Variants in PCNX4 observed in about 807,000 individuals in gnomAD.
PCNX4 encodes the protein pecanex 4.
PCNX4 carries 103 observed loss-of-function variants against 107.2 expected under a neutral mutation model. The ratio of observed to expected loss-of-function variants is 0.96; its 90% CI spans 0.82 to 1.13. PCNX4 has a LOEUF of 1.13. PCNX4 is among the 50% of genes most tolerant of loss of function. The pLI is 0.00. For synonymous variants in PCNX4, 541 were observed against 481.7 expected (o/e 1.12, Z -1.61); for missense variants, 1,528 against 1,379.4 (o/e 1.11, Z -1.71).
At chr14:60,122,790 ATGTTT>A (rs776518662) in intron 8 of PCNX4, among the ~76,000 whole-genome samples, 3 of 152,052 alleles carry the variant, frequency 2.0e-5, no homozygotes, top group African/African-American at 4.8e-5. Context: ...CCTTTAACAA[ATGTTT>A]TGTTTTGTTT....
At chr14:60,108,528 A>T in intron 2 of PCNX4, 1 of 394,594 alleles carries the variant, frequency 2.5e-6, no homozygotes, top group Middle Eastern at 7.1e-4. Context: ...CTTATTAAAG[A>T]GTTTTTTTAA....
rs753991678 is a variant in PCNX4, at chr14:60,124,838, A to G, written c.2667A>G (p.Gly889=). The change falls in exon 9 of 11, where the codon GGA becomes GGG. Residue 889 remains glycine (G), a synonymous_variant. Coordinates refer to ENST00000406854, the MANE Select transcript of PCNX4 (RefSeq NM_001330177.2). ...TAGGATACCCTGCTGTTGACAAAGGAAAACAAGAGGACATGCCATATATTC... is the reference window on the plus strand; with the variant it reads ...TAGGATACCCTGCTGTTGACAAAGGGAAACAAGAGGACATGCCATATATTC... ...VLLGYPAVDK[G]KQEDMPYIPL... 1.2e-6 allele frequency: 2 copies of G among 1,613,834 alleles called. No individual in the cohort carries two copies. Among genetic ancestry groups the G allele is most frequent in the African/African-American group, 1.3e-5 (1 of 75,026 alleles).
intron 10 of PCNX4, among the ~76,000 whole-genome samples, chr14:60,130,357 C>T (rs1014505317): frequency 6.6e-6 from 1 of 150,584 alleles, no homozygotes; most frequent in Non-Finnish European, 1.5e-5. Flanking sequence ...ATGATCATCT[C>T]GGTAGATATA....
At chr14:60,097,581 C>T (rs1011808190) in intron 1 of PCNX4, among the ~76,000 whole-genome samples, 2 of 152,214 alleles carry the variant, frequency 1.3e-5, no homozygotes, top group African/African-American at 4.8e-5. Context: ...GCCTCTGCCT[C>T]TCATTAGGTA....
chr14:60,112,148 T>A (rs2089147562), intron 2 of PCNX4, among the ~76,000 whole-genome samples: 1 of 152,094 alleles, frequency 6.6e-6, no homozygotes, highest in Non-Finnish European at 1.5e-5. Context: ...ACTTCTTCTG[T>A]GCATTTTAAT....
At chr14:60,130,867 C>T (rs901569413) in intron 10 of PCNX4, among the ~76,000 whole-genome samples, 3 of 151,740 alleles carry the variant, frequency 2.0e-5, no homozygotes, top group African/African-American at 4.8e-5. Context: ...TTTGGGAGGC[C>T]GAGGCAGGCG....
In PCNX4 at chr14:60,107,848, T is replaced by C. The variant is rs772623539; in HGVS notation, c.210T>C (p.Tyr70=). The change falls in exon 2 of 11, where the codon TAT becomes TAC. Residue 70 remains tyrosine (Y), a synonymous_variant. Coordinates refer to ENST00000406854, the MANE Select transcript of PCNX4 (RefSeq NM_001330177.2). ...LLYQLGILKD[Y]YTAALSGGLM... ...ACCAGTTAGGCATCCTGAAAGACTA[T>C]TATACAGCAGCACTTTCAGGTGGAT... The C allele has an allele frequency of 1.2e-6, 2 of 1,612,750 alleles. No homozygotes were observed. The highest frequency in any genetic ancestry group is 1.7e-6 in the Non-Finnish European group (2 of 1,179,768).
intron 1 of PCNX4, among the ~76,000 whole-genome samples, chr14:60,103,446 G>A (rs112198011): frequency 0.022 from 3,300 of 152,230 alleles, 58 homozygotes; most frequent in South Asian, 0.049. Flanking sequence ...TTTTCAAACT[G>A]CCCTGACCAC....
At chr14:60,133,519 T>A in intron 10 of PCNX4, 1 of 376,258 alleles carries the variant, frequency 2.7e-6, no homozygotes, top group Non-Finnish European at 5.1e-6. Context: ...GTGGTGATGG[T>A]TGCACGTATC....
rs1566527942 is a variant in PCNX4 at position 60,145,683 on chromosome 14, TAAAAA to T, written c.*11463_*11467del. On this transcript the variant is annotated 3_prime_UTR_variant, in exon 11 of 11. Transcript: ENST00000406854. This position sits in a 1 kb window ranked among gnomAD's most constrained non-coding sequence, Gnocchi z 4.0. ...GAGGGAAACTCTGTCTCAAAAAAAATAAAAAGAAAAAAAAATTATTTGTGAACTTT... is the reference window on the plus strand; with the variant it reads ...GAGGGAAACTCTGTCTCAAAAAAAATGAAAAAAAAATTATTTGTGAACTTT... The T allele has an allele frequency of 6.6e-6, 1 of 151,070 alleles. No individual in the cohort carries two copies. Among genetic ancestry groups the T allele is most frequent in the African/African-American group, 2.4e-5 (1 of 40,870 alleles). 9.4% of individuals were successfully genotyped at this position (151,070 alleles called of 1,614,324 possible). A position where few individuals can be genotyped will look rare whatever the true frequency, so the allele number is the denominator to read the frequency against.
intron 2 of PCNX4, among the ~76,000 whole-genome samples, chr14:60,113,471 C>T (rs568977446): frequency 1.3e-5 from 2 of 152,168 alleles, no homozygotes; most frequent in East Asian, 1.9e-4. Context: ...CAGGTTCAAG[C>T]GATTCTCCTG....
intron 1 of PCNX4, among the ~76,000 whole-genome samples, chr14:60,094,272 A>G (rs1362601239): frequency 3.3e-5 from 5 of 151,790 alleles, no homozygotes; most frequent in African/African-American, 1.2e-4. Context: ...CCATTTTTAC[A>G]CTTTGTAGAT....
At chr14:60,120,179 G>A (rs1452973679) in intron 7 of PCNX4, among the ~76,000 whole-genome samples, 2 of 152,136 alleles carry the variant, frequency 1.3e-5, no homozygotes, top group African/African-American at 4.8e-5. Flanking sequence ...AAGAGACCAG[G>A]TGCAAGTCTC....
rs747483127 is a variant in PCNX4 at position 60,121,161 on chromosome 14, C to CTTTT, written c.1943-18_1943-15dup. On this transcript the variant is annotated intron_variant, in intron 7 of 10. Transcript: ENST00000406854. ...ATAAAAGAAGTTTGAAAATGATTTT[C>CTTTT]TTTTTTTTTTTTTTTTTTTTCTAAT... 2.8e-4 allele frequency: 308 copies of CTTTT among 1,102,724 alleles called. 1 individual carries two copies. The highest frequency in any genetic ancestry group is 7.9e-4 in the South Asian group (45 of 57,006). 68.3% of individuals were successfully genotyped at this position (1,102,724 alleles called of 1,614,324 possible). A position where few individuals can be genotyped will look rare whatever the true frequency, so the allele number is the denominator to read the frequency against.
intron 6 of PCNX4, 51 bp from the exon 7 acceptor site, chr14:60,118,278 T>C: frequency 6.8e-7 from 1 of 1,477,892 alleles, no homozygotes. Flanking sequence ...TCTTGAAAAT[T>C]CATGAAAAAT....
At chr14:60,123,840 G>GTA (rs1224445532) in intron 8 of PCNX4, among the ~76,000 whole-genome samples, 1 of 152,040 alleles carries the variant, frequency 6.6e-6, no homozygotes. Context: ...TAATACTACT[G>GTA]TATATACTGT....
In PCNX4 at chr14:60,134,110, T is replaced by C. The variant is rs748798060; in HGVS notation, c.3408T>C (p.Tyr1136=). Reference sequence around the variant, plus strand: ...CCACAAACGATGATGAAGAACGTTATAGTATACAAGCTCATCCACTACTTT... The same window carrying C: ...CCACAAACGATGATGAAGAACGTTACAGTATACAAGCTCATCCACTACTTT... The part of the protein sequence containing the change: ...LYATNDDEER[Y]SIQAHPLLLR... The change falls in exon 11 of 11, where the codon TAT becomes TAC. Residue 1136 remains tyrosine (Y), a synonymous_variant. Coordinates refer to ENST00000406854, the MANE Select transcript of PCNX4 (RefSeq NM_001330177.2). 8.7e-6 allele frequency: 14 copies of C among 1,613,870 alleles called. No homozygotes were observed. The East Asian group carries it at 2.0e-4, about 23-fold the overall frequency.
chr14:60,107,906 A>T lies in PCNX4; in HGVS notation c.268A>T (p.Thr90Ser). ...TTTTACTGCATTTGTCATCCAGTTCACAAGTTTATACGCCAAAAACAAATC... is the reference window on the plus strand; with the variant it reads ...TTTTACTGCATTTGTCATCCAGTTCTCAAGTTTATACGCCAAAAACAAATC... ...MLFTAFVIQF[T>S]SLYAKNKSTT... Residue 90 changes from threonine to serine, a missense_variant, in exon 2 of 11, where the codon ACA becomes TCA. Transcript: ENST00000406854. 6.2e-7 allele frequency: 1 copy of T among 1,612,890 alleles called. No homozygotes were observed. The highest frequency in any genetic ancestry group is 1.1e-5 in the South Asian group (1 of 91,078).
chr14:60,115,226 T>C lies in PCNX4; in HGVS notation c.1122T>C (p.His374=). The C allele has an allele frequency of 6.2e-7, 1 of 1,613,446 alleles. No individual in the cohort carries two copies. The highest frequency in any genetic ancestry group is 2.2e-5 in the East Asian group (1 of 44,864). Reference sequence around the variant, plus strand: ...CTCTTTTAGAAACTAGCTTGCTTCATCACTTTGCTGGCTTCTCACAGATTT... The same window carrying C: ...CTCTTTTAGAAACTAGCTTGCTTCACCACTTTGCTGGCTTCTCACAGATTT... The part of the protein sequence containing the change: ...VLALLETSLL[H]HFAGFSQISK... The change falls in exon 4 of 11, where the codon CAT becomes CAC. Residue 374 remains histidine (H), a synonymous_variant. Coordinates refer to ENST00000406854, the MANE Select transcript of PCNX4 (RefSeq NM_001330177.2).
Sources: allele counts gnomAD v4.1 joint callset (sites outside exome capture counted in the v4.1 genomes callset), GRCh38; gene constraint gnomAD v4.1.1; non-coding constraint Gnocchi (gnomAD v3.1); transcripts MANE v1.5; gene names NCBI Gene and HGNC (gene_info 2026-07-23, HGNC 2026-07-21).